The following CUBN variants were observed in gnomAD, a reference collection of about 807,000 sequenced individuals.
CUBN encodes 460 kDa receptor.
CUBN carries 282 observed loss-of-function variants against 405.3 expected under a neutral mutation model. The observed-to-expected ratio is 0.70, with a 90% CI of 0.63 to 0.77. The LOEUF is 0.77. Ranked by LOEUF, CUBN falls within the 30% of genes least tolerant of loss-of-function variation. CUBN has a pLI of 0.00. For missense variants in CUBN, 4,514 were observed against 4,475.2 expected (o/e 1.01, Z -0.25); for synonymous variants, 1,684 against 1,617.0 (o/e 1.04, Z -0.99).
chr10:17,126,693 G>C, intron 4 of CUBN, 68 bp downstream of exon 4: 1 of 1,489,874 alleles, frequency 6.7e-7, no homozygotes. Flanking sequence ...AATAAGAATA[G>C]CAGCTCTATT....
Position 17,129,807 on chromosome 10 carries a change from C to A in CUBN, c.-42G>T, listed in dbSNP as rs751905101. Reference sequence around the variant, plus strand: ...CAGGTAAGAGTGAGGCCACTCCAACCAACTGAGCATGGGATTTTGGAGAAC... The same window carrying A: ...CAGGTAAGAGTGAGGCCACTCCAACAAACTGAGCATGGGATTTTGGAGAAC... On this transcript the variant is annotated 5_prime_UTR_variant, in exon 1 of 67. Coordinates refer to ENST00000377833, the MANE Select transcript of CUBN (RefSeq NM_001081.4). 150 of 1,609,694 alleles carry A rather than the reference C, an allele frequency of 9.3e-5. No individual in the cohort carries two copies. The highest frequency in any genetic ancestry group is 1.2e-4 in the Non-Finnish European group (147 of 1,176,454).
intron 28 of CUBN, among the ~76,000 whole-genome samples, chr10:17,008,768 A>G (rs183393190): frequency 1.3e-5 from 2 of 151,882 alleles, no homozygotes; most frequent in Admixed American, 6.6e-5. Context: ...TTGATTTTCT[A>G]TTTATTTAAG....
chr10:17,106,882 T>C (rs1836646163), intron 10 of CUBN, among the ~76,000 whole-genome samples: 1 of 152,148 alleles, frequency 6.6e-6, no homozygotes. Flanking sequence ...TGAACTTAAG[T>C]CTCTAAAAGA....
At chr10:17,096,518 T>C (rs1836378474) in intron 14 of CUBN, among the ~76,000 whole-genome samples, 1 of 151,990 alleles carries the variant, frequency 6.6e-6, no homozygotes, top group Non-Finnish European at 1.5e-5. Context: ...AAAGCAAAAG[T>C]TTCAGAACAA....
chr10:17,087,387 C>T (rs1481004076), intron 15 of CUBN, among the ~76,000 whole-genome samples: 1 of 151,646 alleles, frequency 6.6e-6, no homozygotes, highest in African/African-American at 2.4e-5. Flanking sequence ...GGAGCTTCGG[C>T]TGATACCTCT....
At chr10:16,931,277 C>A (rs75371575) in intron 40 of CUBN, among the ~76,000 whole-genome samples, 1 of 149,832 alleles carries the variant, frequency 6.7e-6, no homozygotes, top group Non-Finnish European at 1.5e-5. Flanking sequence ...AAAAAAAAAA[C>A]ATCAAATTTA....
chr10:16,971,826 C>A (rs892204645), intron 31 of CUBN, among the ~76,000 whole-genome samples: 1 of 152,054 alleles, frequency 6.6e-6, no homozygotes, highest in African/African-American at 2.4e-5. Flanking sequence ...AAAACCAACT[C>A]TCCACTGATT....
rs1182104212 is a variant in CUBN, at chr10:16,850,565, G to A, written c.9663+670C>T. ...CAGCTCACTGCAACCTCCACCTCCC[G>A]GGTTCAAGCGATTCTCCTGCCTCAG... On this transcript the variant is annotated intron_variant, in intron 60 of 66. Transcript: ENST00000377833. Among the ~76,000 whole-genome samples the A allele has an allele frequency of 5.3e-5, 8 of 152,100 alleles. 1 individual carries two copies. Among genetic ancestry groups the A allele is most frequent in the African/African-American group, 1.7e-4 (7 of 41,416 alleles).
In CUBN at chr10:16,915,969, T is replaced by C. The variant is rs138105853; in HGVS notation, c.7062A>G (p.Thr2354=). The change falls in exon 46 of 67, where the codon ACA becomes ACG. Residue 2354 remains threonine (T), a synonymous_variant. Coordinates refer to ENST00000377833, the MANE Select transcript of CUBN (RefSeq NM_001081.4). Reference sequence around the variant, plus strand: ...AGAATAAGTTGTCTCTGTATGGAAGTGTTGGATGTCCAATGCTTTCAACAA... The same window carrying C: ...AGAATAAGTTGTCTCTGTATGGAAGCGTTGGATGTCCAATGCTTTCAACAA... ...SGVVESIGHP[T]LPYRDNLFCE... 2 of 1,614,150 alleles carry C rather than the reference T, an allele frequency of 1.2e-6. No individual in the cohort carries two copies. Among genetic ancestry groups the C allele is most frequent in the African/African-American group, 1.3e-5 (1 of 75,034 alleles).
At chr10:17,080,125 T>C (rs1835935900) in intron 17 of CUBN, among the ~76,000 whole-genome samples, 1 of 152,222 alleles carries the variant, frequency 6.6e-6, no homozygotes, top group African/African-American at 2.4e-5. Flanking sequence ...TCACAGGTTT[T>C]GATACACAGC....
intron 14 of CUBN, among the ~76,000 whole-genome samples, chr10:17,093,687 A>G (rs560160798): frequency 6.6e-6 from 1 of 152,024 alleles, no homozygotes; most frequent in Non-Finnish European, 1.5e-5. Context: ...TAAAAAAAAA[A>G]CCAAAACCCA....
At chr10:16,869,901 T>C (rs781116192) in intron 58 of CUBN, 48 bp from the exon 59 acceptor site, 1 of 1,382,568 alleles carries the variant, frequency 7.2e-7, no homozygotes, top group Admixed American at 1.7e-5. Context: ...TGGACTTCTA[T>C]TAAATTGTAG....
chr10:16,980,829 T>C (rs1833248989), intron 31 of CUBN, among the ~76,000 whole-genome samples: 1 of 151,706 alleles, frequency 6.6e-6, no homozygotes, highest in Non-Finnish European at 1.5e-5. Flanking sequence ...ATCCCAGAAC[T>C]TAAAGTATAA....
At chr10:17,127,167 C>CCTTT (rs1202974508) in intron 3 of CUBN, among the ~76,000 whole-genome samples, 1 of 149,370 alleles carries the variant, frequency 6.7e-6, no homozygotes, top group Non-Finnish European at 1.5e-5. Context: ...TTTCTTTCTT[C>CCTTT]CTTTCTTTCT....
chr10:16,999,258 A>G (rs1833816302), intron 28 of CUBN, among the ~76,000 whole-genome samples: 1 of 152,226 alleles, frequency 6.6e-6, no homozygotes, highest in African/African-American at 2.4e-5. Context: ...CCTTTAGTAC[A>G]TCATCAAAGA....
intron 14 of CUBN, among the ~76,000 whole-genome samples, 174 bp from the exon 15 acceptor site, chr10:17,088,519 C>G (rs1395602299): frequency 3.3e-5 from 5 of 152,160 alleles, no homozygotes; most frequent in African/African-American, 4.8e-5. Flanking sequence ...AGTTACAAGT[C>G]TAGAAGTATC....
intron 54 of CUBN, among the ~76,000 whole-genome samples, chr10:16,891,214 C>T (rs1325993762): frequency 2.0e-5 from 3 of 152,116 alleles, no homozygotes; most frequent in African/African-American, 2.4e-5. Flanking sequence ...AGGAAATAAA[C>T]GGTGAGCACC....
At chr10:16,994,766 CAAAAGAAGAT>C (rs1194087871) in intron 28 of CUBN, among the ~76,000 whole-genome samples, 1 of 152,076 alleles carries the variant, frequency 6.6e-6, no homozygotes, top group Non-Finnish European at 1.5e-5. Flanking sequence ...AAAAGCCTTT[CAAAAGAAGAT>C]AAAAGAAGAT....
At chr10:16,852,977 T>C (rs1006897162) in intron 59 of CUBN, among the ~76,000 whole-genome samples, 4 of 152,158 alleles carry the variant, frequency 2.6e-5, no homozygotes, top group South Asian at 2.1e-4. Context: ...AAAATCTTTA[T>C]AGAAGAAAAA....
Sources: gnomAD v4.1 joint callset for allele counts (sites outside exome capture counted in the v4.1 genomes callset) on GRCh38, gnomAD v4.1.1 for gene constraint, MANE v1.5 for transcripts, NCBI Gene and HGNC (gene_info 2026-07-23, HGNC 2026-07-21) for gene names.